Variants in CRADD observed in about 807,000 individuals in gnomAD.
CRADD encodes death domain-containing protein CRADD.
CRADD carries 9 observed loss-of-function variants against 15.5 expected under a neutral mutation model. The ratio of observed to expected loss-of-function variants is 0.58; its 90% CI spans 0.35 to 1.01. CRADD has a LOEUF of 1.01. Among genes scored for constraint, CRADD ranks in the 50% least tolerant of loss-of-function variants. The pLI, the probability that CRADD is intolerant of heterozygous loss-of-function variation, is 0.02. For missense variants in CRADD, 227 were observed against 250.3 expected, an observed-to-expected ratio of 0.91 and a Z score of 0.63; for synonymous variants, 118 against 107.6, an observed-to-expected ratio of 1.10 and a Z score of -0.60.
chr12:93,885,239 T>C (rs1593061516), intron 2 of CRADD, among the ~76,000 whole-genome samples: 1 of 152,374 alleles, frequency 6.6e-6, no homozygotes, highest in East Asian at 1.9e-4. Context: ...CCGTAATTGC[T>C]GCTGAACTTG....
At chr12:93,738,418 C>G (rs1012622973) in intron 2 of CRADD, 1 of 702,244 alleles carries the variant, frequency 1.4e-6, no homozygotes, top group Non-Finnish European at 2.6e-6. Flanking sequence ...CATCATCAGG[C>G]TTCCTAGAGA....
intron 2 of CRADD, among the ~76,000 whole-genome samples, chr12:93,788,903 G>T (rs1393712892): frequency 2.0e-5 from 3 of 152,088 alleles, no homozygotes; most frequent in Non-Finnish European, 4.4e-5. Context: ...GTCGTCATCA[G>T]CCTTTCCATA....
chr12:93,850,129 C>T lies in CRADD; in HGVS notation c.458C>T (p.Pro153Leu), dbSNP rs763412012. 6.2e-7 allele frequency: 1 copy of T among 1,614,100 alleles called. No homozygotes were observed. The highest frequency in any genetic ancestry group is 1.7e-5 in the Admixed American group (1 of 60,014). Residue 153 changes from proline (P) to leucine (L), a missense_variant, in exon 3 of 3, where the codon CCC (proline) becomes CTC (leucine). Pro to Leu is a moderately conservative substitution (Grantham distance 98, BLOSUM62 -3). Transcript: ENST00000332896. This position sits in a 1 kb window ranked among gnomAD's most constrained non-coding sequence, Gnocchi z 4.0. ...TDIYRCKANHPHNVQSQVVEA... is the reference protein window; with the variant it reads ...TDIYRCKANHLHNVQSQVVEA... ...ATCTACCGCTGTAAGGCCAACCACC[C>T]CCACAACGTGCAGTCGCAGGTGGTG...
intron 2 of CRADD, among the ~76,000 whole-genome samples, chr12:93,761,542 C>T (rs941879551): frequency 8.5e-5 from 13 of 152,132 alleles, no homozygotes; most frequent in East Asian, 1.9e-4. Context: ...GAATTAGGGA[C>T]GACGAAAGGA....
intron 2 of CRADD, among the ~76,000 whole-genome samples, chr12:93,745,728 T>G (rs538415337): frequency 9.2e-5 from 14 of 152,350 alleles, no homozygotes; most frequent in Non-Finnish European, 1.9e-4. Flanking sequence ...ATATAATGAA[T>G]GATGGTCGTG....
intron 2 of CRADD, among the ~76,000 whole-genome samples, chr12:93,792,605 T>G (rs577460983): frequency 3.0e-4 from 46 of 152,218 alleles, no homozygotes; most frequent in Non-Finnish European, 4.4e-4. Context: ...TAGGAATTGT[T>G]GTAGTGGATA....
intron 2 of CRADD, among the ~76,000 whole-genome samples, chr12:93,829,628 A>G (rs967543406): frequency 8.5e-5 from 13 of 152,076 alleles, no homozygotes; most frequent in African/African-American, 2.9e-4. Flanking sequence ...CCTCTGATGG[A>G]TGGGCTCTTT....
At chr12:93,685,797 G>GCCTGGCCAA (rs1452266783) in intron 2 of CRADD, among the ~76,000 whole-genome samples, 1 of 152,104 alleles carries the variant, frequency 6.6e-6, no homozygotes, top group Non-Finnish European at 1.5e-5. Flanking sequence ...TTTGAGACCA[G>GCCTGGCCAA]CCTGGCCAAC....
At chr12:93,730,949 CTCAA>C (rs1956453513) in intron 2 of CRADD, among the ~76,000 whole-genome samples, 1 of 152,060 alleles carries the variant, frequency 6.6e-6, no homozygotes, top group Admixed American at 6.6e-5. Context: ...CTCCTGACCT[CTCAA>C]CTGATCTGCC....
intron 2 of CRADD, among the ~76,000 whole-genome samples, chr12:93,700,076 A>C (rs1438837852): frequency 6.6e-6 from 1 of 152,212 alleles, no homozygotes; most frequent in Non-Finnish European, 1.5e-5. Context: ...AAGCCAGTCC[A>C]GATGGAGGAG....
At chr12:93,743,444 A>T (rs1325970252) in intron 2 of CRADD, among the ~76,000 whole-genome samples, 1 of 151,968 alleles carries the variant, frequency 6.6e-6, no homozygotes, top group African/African-American at 2.4e-5. Flanking sequence ...CGATCCTCCC[A>T]CTTCAGCCTC....
chr12:93,734,053 C>A (rs1956518861), intron 2 of CRADD, among the ~76,000 whole-genome samples: 1 of 151,712 alleles, frequency 6.6e-6, no homozygotes, highest in Non-Finnish European at 1.5e-5. Flanking sequence ...CCTTTTTTCC[C>A]TTCCTCCCTC....
intron 2 of CRADD, among the ~76,000 whole-genome samples, chr12:93,841,511 C>T (rs538638140): frequency 1.3e-5 from 2 of 152,162 alleles, no homozygotes; most frequent in African/African-American, 4.8e-5. Flanking sequence ...GCCTAGGGCT[C>T]TTTGTCAAGG....
chr12:93,856,628 T>C (rs976638654), intron 2 of CRADD, among the ~76,000 whole-genome samples: 1 of 152,208 alleles, frequency 6.6e-6, no homozygotes, highest in Non-Finnish European at 1.5e-5. Context: ...GACAAATGGC[T>C]CTCCTTGCCA....
intron 2 of CRADD, among the ~76,000 whole-genome samples, chr12:93,747,003 G>A (rs556258042): frequency 6.6e-6 from 1 of 152,110 alleles, no homozygotes; most frequent in South Asian, 2.1e-4. Flanking sequence ...ATGAGTTCAG[G>A]TCAGGTCAGG....
At position 93,822,759 on chromosome 12, in the gene CRADD, T is replaced by C. The variant is rs188546862; in HGVS notation, c.299-27211T>C. Among the ~76,000 whole-genome samples the C allele has an allele frequency of 2.2e-3, 341 of 152,378 alleles. 1 individual carries two copies. Among genetic ancestry groups the C allele is most frequent in the Middle Eastern group, 6.8e-3 (2 of 294 alleles). Reference sequence around the variant, plus strand: ...TACTTCCTTTATCCATGTAAAAGTATATCTAAGAACTTCTGCATATATTAA... The same window carrying C: ...TACTTCCTTTATCCATGTAAAAGTACATCTAAGAACTTCTGCATATATTAA... On this transcript the variant is annotated intron_variant, in intron 2 of 2. Coordinates refer to ENST00000332896, the MANE Select transcript of CRADD (RefSeq NM_003805.5).
intron 2 of CRADD, among the ~76,000 whole-genome samples, chr12:93,773,817 T>TTTTG (rs1313528329): frequency 1.2e-4 from 17 of 141,798 alleles, no homozygotes; most frequent in Non-Finnish European, 2.0e-4. Context: ...TTGTGAGTTT[T>TTTTG]TTTTTTTTTT....
At chr12:93,808,689 A>G (rs2137005085) in intron 2 of CRADD, among the ~76,000 whole-genome samples, 1 of 152,096 alleles carries the variant, frequency 6.6e-6, no homozygotes, top group East Asian at 1.9e-4. Context: ...GCTTCAGTTG[A>G]TACATTTCAG....
chr12:93,784,886 C>T (rs922454601), intron 2 of CRADD, among the ~76,000 whole-genome samples: 1 of 152,152 alleles, frequency 6.6e-6, no homozygotes, highest in Non-Finnish European at 1.5e-5. Context: ...AATAAAAAGT[C>T]GATTCTTCTT....
Sources: gnomAD v4.1 joint callset for allele counts (sites outside exome capture counted in the v4.1 genomes callset) on GRCh38, gnomAD v4.1.1 for gene constraint, Gnocchi (gnomAD v3.1) non-coding constraint, MANE v1.5 for transcripts, NCBI Gene and HGNC (gene_info 2026-07-23, HGNC 2026-07-21) for gene names.